RMDN2: variants seen among roughly 807,000 people sequenced by gnomAD.
RMDN2 encodes regulator of microtubule dynamics 2, also known as regulator of microtubule dynamics protein 2.
Under a neutral mutation model 52.8 loss-of-function variants are expected in RMDN2, and 61 were observed. The observed-to-expected ratio is 1.16, with a 90% CI of 0.94 to 1.43. The LOEUF is 1.43. RMDN2 is among the 40% of genes most tolerant of loss of function. The pLI, the probability that RMDN2 is intolerant of heterozygous loss-of-function variation, is 0.00. For missense variants in RMDN2, 592 were observed against 475.3 expected (o/e 1.25, Z -2.28); for synonymous variants, 180 against 153.1 (o/e 1.18, Z -1.30).
intron 2 of RMDN2, among the ~76,000 whole-genome samples, chr2:37,955,473 T>C (rs1307930990): frequency 6.6e-6 from 1 of 152,136 alleles, no homozygotes; most frequent in Non-Finnish European, 1.5e-5. Context: ...TCCCTTCATT[T>C]TGTTTATGTG....
chr2:37,998,316 C>T (rs1312829739), intron 8 of RMDN2: 1 of 152,360 alleles, frequency 6.6e-6, no homozygotes, highest in African/African-American at 2.4e-5. Context: ...TGCTTGAGGC[C>T]AGGAGTTTGA....
chr2:37,921,865 T>A (rs1419772555), upstream of RMDN2, among the ~76,000 whole-genome samples: 1 of 152,216 alleles, frequency 6.6e-6, no homozygotes, highest in Non-Finnish European at 1.5e-5. Flanking sequence ...GAAAATGGAA[T>A]AAGATAATTC....
chr2:37,926,596 C>T (rs577593725), intron 1 of RMDN2, among the ~76,000 whole-genome samples: 1 of 139,916 alleles, frequency 7.1e-6, no homozygotes, highest in African/African-American at 2.6e-5. Context: ...TTTTTAATTA[C>T]TATATTTTTT....
At position 37,975,281 on chromosome 2, in the gene RMDN2, A is replaced by G. The variant is rs369570141; in HGVS notation, c.697A>G (p.Asn233Asp). The change falls in exon 4 of 11, where the codon AAC becomes GAC. Residue 233 changes from asparagine to aspartate, a missense_variant. Asn to Asp is a conservative substitution (Grantham distance 23, BLOSUM62 1). Transcript: ENST00000354545. ...AYGDMYELST[N>D]TQEKKHYANI... is the part of the protein sequence containing the mutation. The stretch of plus-strand genomic sequence containing the variant: ...TGGAGACATGTATGAACTATCTACA[A>G]ACACACAAGAAAAGAAACATTATGC... The G allele has an allele frequency of 5.0e-6, 8 of 1,606,512 alleles. No individual in the cohort carries two copies. In the Admixed American group the frequency reaches 5.0e-5, roughly 10 times the overall value.
chr2:38,027,401 C>A (rs762770203), intron 10 of RMDN2: 5 of 152,100 alleles, frequency 3.3e-5, no homozygotes, highest in Non-Finnish European at 7.4e-5. Context: ...GAAGTTGTAA[C>A]TTTTGAAAGT....
chr2:37,965,338 G>GTT lies in RMDN2; in HGVS notation c.453-8687_453-8686dup, dbSNP rs398060100. ...CCATTGCTACCTCTCTTTGTGTTTAGTTTTTTTTTTTTTTTTAGTGATATG... is the reference window on the plus strand; with the variant it reads ...CCATTGCTACCTCTCTTTGTGTTTAGTTTTTTTTTTTTTTTTTTAGTGATATG... On this transcript the variant is annotated intron_variant, in intron 2 of 10. Transcript: ENST00000354545. 1.0e-3 allele frequency among the ~76,000 whole-genome samples: 116 copies of GTT among 111,758 alleles called. 1 individual carries two copies. Among genetic ancestry groups the GTT allele is most frequent in the Middle Eastern group, 4.7e-3 (1 of 212 alleles). 73.3% of individuals were successfully genotyped at this position (111,758 alleles called of 152,430 possible). A position where few individuals can be genotyped will look rare whatever the true frequency, so the allele number is the denominator to read the frequency against.
intron 2 of RMDN2, among the ~76,000 whole-genome samples, chr2:37,931,366 G>A (rs960378899): frequency 2.6e-5 from 4 of 152,156 alleles, no homozygotes; most frequent in Non-Finnish European, 5.9e-5. Context: ...GAGAGTTATC[G>A]AAGACAAACC....
intron 2 of RMDN2, chr2:37,951,604 G>T (rs756392960): frequency 3.7e-6 from 6 of 1,613,242 alleles, no homozygotes; most frequent in African/African-American, 1.3e-5. Context: ...TTCTCATCCC[G>T]TAAACTAAGT....
At chr2:37,960,989 CT>C (rs893660254) in intron 2 of RMDN2, among the ~76,000 whole-genome samples, 6 of 152,074 alleles carry the variant, frequency 3.9e-5, no homozygotes, top group Non-Finnish European at 8.8e-5. Context: ...GTTGAAAATT[CT>C]TTTTTTATGA....
intron 2 of RMDN2, among the ~76,000 whole-genome samples, chr2:37,938,788 TTTC>T (rs1455201351): frequency 1.3e-5 from 2 of 152,222 alleles, no homozygotes; most frequent in Non-Finnish European, 2.9e-5. Context: ...TCTTCTCTCC[TTTC>T]TTCTTTATTA....
intron 2 of RMDN2, among the ~76,000 whole-genome samples, chr2:37,949,494 G>A (rs1220058363): frequency 6.6e-6 from 1 of 152,174 alleles, no homozygotes; most frequent in Non-Finnish European, 1.5e-5. Context: ...TTGCTATGCT[G>A]TAAGTAACAT....
At chr2:38,057,896 T>A (rs1328164994) in intron 10 of RMDN2, among the ~76,000 whole-genome samples, 1 of 152,134 alleles carries the variant, frequency 6.6e-6, no homozygotes, top group Non-Finnish European at 1.5e-5. Context: ...CAGAAGCTGC[T>A]GCTATACTTT....
chr2:37,993,774 G>T (rs1191112748), intron 7 of RMDN2, among the ~76,000 whole-genome samples: 1 of 141,430 alleles, frequency 7.1e-6, no homozygotes, highest in Non-Finnish European at 1.5e-5. Flanking sequence ...GGGGGTGGGG[G>T]GGAGATGAAC....
At position 37,988,995 on chromosome 2, in the gene RMDN2, A is replaced by G. The variant is rs150793853; in HGVS notation, c.792-546A>G. On this transcript the variant is annotated intron_variant, in intron 5 of 10. Coordinates refer to ENST00000354545, the MANE Select transcript of RMDN2 (RefSeq NM_001170791.3). ...AGAAGGGGAAATTTTTTGAAAAAGC[A>G]TACTCTAAAATTACCTTTGATTTTG... 1.1e-4 allele frequency among the ~76,000 whole-genome samples: 17 copies of G among 152,304 alleles called. No homozygotes were observed. In the Middle Eastern group the frequency reaches 0.01, roughly 91 times the overall value.
chr2:37,979,039 CA>C (rs1400831978), intron 4 of RMDN2, among the ~76,000 whole-genome samples: 1 of 151,866 alleles, frequency 6.6e-6, no homozygotes, highest in Non-Finnish European at 1.5e-5. Context: ...TAAAATGAAG[CA>C]TAGAATTGAA....
At chr2:38,065,500 G>A (rs1430165741) in intron 10 of RMDN2, among the ~76,000 whole-genome samples, 1 of 152,148 alleles carries the variant, frequency 6.6e-6, no homozygotes, top group Non-Finnish European at 1.5e-5. Context: ...CTCACCTAAA[G>A]GGGCCTCAAA....
intron 2 of RMDN2, among the ~76,000 whole-genome samples, chr2:37,971,998 G>T (rs1671870554): frequency 6.6e-6 from 1 of 152,072 alleles, no homozygotes; most frequent in Non-Finnish European, 1.5e-5. Flanking sequence ...ATTTCTCCAT[G>T]AATTTAGGTC....
chr2:37,924,098 A>G (rs1666112051), upstream of RMDN2, among the ~76,000 whole-genome samples: 1 of 152,102 alleles, frequency 6.6e-6, no homozygotes, highest in South Asian at 2.1e-4. Context: ...CTTATTCTTC[A>G]ATGCGGCTTG....
At chr2:37,986,467 C>A (rs1278087802) in intron 5 of RMDN2, among the ~76,000 whole-genome samples, 1 of 152,064 alleles carries the variant, frequency 6.6e-6, no homozygotes, top group Non-Finnish European at 1.5e-5. Flanking sequence ...CTAATACCAA[C>A]ATCAGACACT....
Sources: allele counts gnomAD v4.1 joint callset (sites outside exome capture counted in the v4.1 genomes callset), GRCh38; gene constraint gnomAD v4.1.1; transcripts MANE v1.5; gene names NCBI Gene and HGNC (gene_info 2026-07-23, HGNC 2026-07-21).